Variants in COMMD1 observed in about 807,000 individuals in gnomAD.
The protein encoded by COMMD1 is copper metabolism domain containing 1.
A neutral mutation model predicts 17.2 loss-of-function variants in COMMD1; 10 were observed. The ratio of observed to expected loss-of-function variants is 0.58; its 90% CI spans 0.36 to 0.99. COMMD1 has a LOEUF of 0.99. COMMD1 is among the 50% of genes least tolerant of loss of function. The probability of loss-of-function intolerance (pLI) is 0.01; values close to 1 mark genes in which losing one functional copy is unlikely to be tolerated. For missense variants in COMMD1, 270 were observed against 231.8 expected, an observed-to-expected ratio of 1.17 and a Z score of -1.07; for synonymous variants, 97 against 91.6, an observed-to-expected ratio of 1.06 and a Z score of -0.34.
chr2:61,973,893 C>T (rs1217509446), intron 1 of COMMD1, among the ~76,000 whole-genome samples: 1 of 152,234 alleles, frequency 6.6e-6, no homozygotes, highest in Non-Finnish European at 1.5e-5. Context: ...ATCCTATCAA[C>T]ACCCCTGAAA....
chr2:62,063,433 G>T (rs375277044), intron 2 of COMMD1, among the ~76,000 whole-genome samples: 1 of 151,804 alleles, frequency 6.6e-6, no homozygotes, highest in African/African-American at 2.4e-5. Flanking sequence ...CTCATGATCC[G>T]CCCGCCTCAG....
chr2:61,934,959 G>C (rs1381572937), intron 1 of COMMD1, among the ~76,000 whole-genome samples: 1 of 152,204 alleles, frequency 6.6e-6, no homozygotes. Context: ...TGTAACAAAA[G>C]ACAGATTGAC....
At chr2:61,941,966 T>G (rs1323580893) in intron 1 of COMMD1, among the ~76,000 whole-genome samples, 2 of 152,158 alleles carry the variant, frequency 1.3e-5, no homozygotes, top group Non-Finnish European at 2.9e-5. Flanking sequence ...AGAGGTAACT[T>G]TATTTGTCCT....
At chr2:62,120,899 T>C (rs1207151965) in intron 2 of COMMD1, among the ~76,000 whole-genome samples, 1 of 152,092 alleles carries the variant, frequency 6.6e-6, no homozygotes, top group Non-Finnish European at 1.5e-5. Flanking sequence ...ATTTTTGTTT[T>C]TGTTTTTGTT....
chr2:62,105,208 CAG>C (rs1672297254), intron 2 of COMMD1, among the ~76,000 whole-genome samples: 1 of 150,670 alleles, frequency 6.6e-6, no homozygotes. Context: ...GCTAAGAAAA[CAG>C]AAAAATCTCT....
chr2:61,900,625 T>G (rs557537778), intron 1 of COMMD1, among the ~76,000 whole-genome samples: 2 of 152,354 alleles, frequency 1.3e-5, no homozygotes, highest in East Asian at 3.9e-4. Context: ...GTCTGATCTC[T>G]TCCTGTTATG....
intron 2 of COMMD1, among the ~76,000 whole-genome samples, chr2:62,131,439 G>T (rs2104101836): frequency 6.6e-6 from 1 of 152,278 alleles, no homozygotes; most frequent in South Asian, 2.1e-4. Context: ...AGTAACAAGT[G>T]TTTCAGATTG....
intron 2 of COMMD1, among the ~76,000 whole-genome samples, chr2:62,067,724 G>C (rs934336084): frequency 2.2e-4 from 34 of 152,228 alleles, no homozygotes; most frequent in Admixed American, 1.2e-3. Flanking sequence ...CTGTTTGCTC[G>C]GATTCTTCTT....
At chr2:62,023,762 G>A (rs914431041) in intron 2 of COMMD1, among the ~76,000 whole-genome samples, 1 of 152,198 alleles carries the variant, frequency 6.6e-6, no homozygotes, top group African/African-American at 2.4e-5. Context: ...TGGGATTACA[G>A]GCATGAGCCA....
chr2:61,975,938 C>A (rs1382393009), intron 1 of COMMD1, among the ~76,000 whole-genome samples: 1 of 152,114 alleles, frequency 6.6e-6, no homozygotes, highest in Non-Finnish European at 1.5e-5. Context: ...AATGCATCTT[C>A]TGCTACTGTT....
chr2:62,124,026 A>G (rs186151648), intron 2 of COMMD1, among the ~76,000 whole-genome samples: 3 of 152,298 alleles, frequency 2.0e-5, no homozygotes, highest in Non-Finnish European at 2.9e-5. Flanking sequence ...CCAGCCAGGC[A>G]CGGTGGCTCA....
At chr2:62,014,651 T>C (rs919214752) in intron 2 of COMMD1, among the ~76,000 whole-genome samples, 3 of 145,510 alleles carry the variant, frequency 2.1e-5, no homozygotes, top group Non-Finnish European at 4.5e-5. Context: ...AACCTCTACC[T>C]CCTGGGTTCA....
chr2:61,952,561 A>C (rs1420236256), intron 1 of COMMD1, among the ~76,000 whole-genome samples: 1 of 152,078 alleles, frequency 6.6e-6, no homozygotes, highest in East Asian at 1.9e-4. Context: ...TGTTTTCCAT[A>C]CATATATGAT....
upstream of COMMD1, chr2:61,888,415 G>A (rs902507996): frequency 4.3e-6 from 7 of 1,613,190 alleles, no homozygotes; most frequent in Non-Finnish European, 5.9e-6. Flanking sequence ...AGCGGATCTG[G>A]GCTGGCTTGT....
chr2:62,076,885 A>C (rs1262816303), intron 2 of COMMD1, among the ~76,000 whole-genome samples: 3 of 152,146 alleles, frequency 2.0e-5, no homozygotes, highest in African/African-American at 7.2e-5. Context: ...TAATCCCAGC[A>C]CTTTGGGAGG....
At chr2:62,122,081 C>T (rs749032384) in intron 2 of COMMD1, among the ~76,000 whole-genome samples, 75 of 152,276 alleles carry the variant, frequency 4.9e-4, no homozygotes, top group Non-Finnish European at 8.8e-4. Context: ...CGTGAGCCAC[C>T]GCACCTGGCC....
chr2:61,909,596 A>G (rs974731038), intron 1 of COMMD1, among the ~76,000 whole-genome samples: 3 of 152,244 alleles, frequency 2.0e-5, no homozygotes, highest in Non-Finnish European at 4.4e-5. Flanking sequence ...GAGGCAAGAA[A>G]AAAATGAAAC....
At chr2:61,929,810 G>C (rs2105206452) in intron 1 of COMMD1, among the ~76,000 whole-genome samples, 1 of 152,164 alleles carries the variant, frequency 6.6e-6, no homozygotes, top group South Asian at 2.1e-4. Context: ...TGTAGTCCCA[G>C]CTTTTCTGGA....
At chr2:62,019,087 TTTCTCTCTCTCTCTTCCC>T (rs1476439186) in intron 2 of COMMD1, among the ~76,000 whole-genome samples, 2 of 124,888 alleles carry the variant, frequency 1.6e-5, no homozygotes, top group African/African-American at 3.1e-5. Flanking sequence ...TCTCTCTTTC[TTTCTCTCTCTCTCTTCCC>T]TCCCTCCCTC....
Sources: gnomAD v4.1 joint callset for allele counts (sites outside exome capture counted in the v4.1 genomes callset) on GRCh38, gnomAD v4.1.1 for gene constraint, MANE v1.5 for transcripts, NCBI Gene and HGNC (gene_info 2026-07-23, HGNC 2026-07-21) for gene names.